Variants in NRG3 observed in about 807,000 individuals in gnomAD.
NRG3 encodes pro-neuregulin-3, membrane-bound isoform.
NRG3 carries 31 observed loss-of-function variants against 66.9 expected under a neutral mutation model. That is an observed-to-expected ratio of 0.46 (90% CI 0.35 to 0.63). The LOEUF is 0.63. NRG3 is among the 20% of genes least tolerant of loss of function. The pLI is 0.00. For missense variants in NRG3, 910 were observed against 878.9 expected (o/e 1.04, Z -0.45); for synonymous variants, 393 against 359.4 (o/e 1.09, Z -1.06).
intron 2 of NRG3, among the ~76,000 whole-genome samples, chr10:82,597,486 C>T (rs2047354685): frequency 6.6e-6 from 1 of 152,188 alleles, no homozygotes; most frequent in African/African-American, 2.4e-5. Context: ...CTACAAATTA[C>T]ATACATACAG....
At chr10:82,781,446 T>C (rs945986025) in intron 3 of NRG3, among the ~76,000 whole-genome samples, 1 of 152,186 alleles carries the variant, frequency 6.6e-6, no homozygotes, top group Non-Finnish European at 1.5e-5. Flanking sequence ...TAATAATTAA[T>C]GAAACCTCTA....
chr10:82,153,189 C>T (rs2070911955), intron 1 of NRG3, among the ~76,000 whole-genome samples: 1 of 152,018 alleles, frequency 6.6e-6, no homozygotes, highest in Non-Finnish European at 1.5e-5. Flanking sequence ...ACCTTTTGGT[C>T]AACATTGCAC....
intron 2 of NRG3, among the ~76,000 whole-genome samples, chr10:82,387,080 G>A (rs1171314025): frequency 2.0e-5 from 3 of 152,202 alleles, no homozygotes; most frequent in South Asian, 2.1e-4. Flanking sequence ...GATTATAGGC[G>A]TAAGCCACCG....
chr10:82,850,641 A>G (rs1028785132), intron 3 of NRG3, among the ~76,000 whole-genome samples: 5 of 152,042 alleles, frequency 3.3e-5, no homozygotes, highest in Admixed American at 2.0e-4. Context: ...AATTATTTGC[A>G]TCTAGCTGTT....
Position 82,050,974 on chromosome 10 carries a change from G to A in NRG3, c.823+174811G>A, listed in dbSNP as rs79614013. ...CTTTAGAGGGAATTTATATTTTCTCGTCTGTAGTTTTCTGGAAATAGTGGG... is the reference window on the plus strand; with the variant it reads ...CTTTAGAGGGAATTTATATTTTCTCATCTGTAGTTTTCTGGAAATAGTGGG... On this transcript the variant is annotated intron_variant, in intron 1 of 8. Coordinates refer to ENST00000372141, the MANE Select transcript of NRG3 (RefSeq NM_001010848.4). Among the ~76,000 whole-genome samples, 625 of 152,052 alleles carry A rather than the reference G, an allele frequency of 4.1e-3. 4 individuals carry two copies. Among genetic ancestry groups the A allele is most frequent in the African/African-American group, 0.011 (461 of 41,470 alleles).
At chr10:82,275,387 A>G (rs2078794122) in intron 1 of NRG3, among the ~76,000 whole-genome samples, 1 of 151,978 alleles carries the variant, frequency 6.6e-6, no homozygotes, top group Non-Finnish European at 1.5e-5. Flanking sequence ...TATGATCTTT[A>G]TTTTAGTTCT....
chr10:82,629,272 TA>T (rs2049643855), intron 2 of NRG3, among the ~76,000 whole-genome samples: 1 of 152,132 alleles, frequency 6.6e-6, no homozygotes, highest in Non-Finnish European at 1.5e-5. Context: ...TGAAGTCCAT[TA>T]AGGGATTCAA....
chr10:82,897,538 C>T lies in NRG3; in HGVS notation c.1054+32101C>T, dbSNP rs142505922. On this transcript the variant is annotated intron_variant, in intron 4 of 8. Transcript: ENST00000372141. ...GTCTTTTTTGTTTTGTTTTGTTTTG[C>T]GATGCAGTCTCTTTCTGTCACCCAG... Among the ~76,000 whole-genome samples, 650 of 152,066 alleles carry T rather than the reference C, an allele frequency of 4.3e-3. 17 individuals are homozygous for T. The highest frequency in any genetic ancestry group is 0.037 in the Admixed American group (568 of 15,276).
At chr10:82,439,893 A>G (rs868631959) in intron 2 of NRG3, among the ~76,000 whole-genome samples, 11 of 152,024 alleles carry the variant, frequency 7.2e-5, no homozygotes, top group Middle Eastern at 3.4e-3. Context: ...TTAGCTATTG[A>G]TAGGTTTTAT....
At chr10:82,854,105 G>A (rs185142743) in intron 3 of NRG3, among the ~76,000 whole-genome samples, 1 of 152,294 alleles carries the variant, frequency 6.6e-6, no homozygotes, top group Non-Finnish European at 1.5e-5. Flanking sequence ...ACTAGAGGCG[G>A]AAGAAAATCA....
intron 2 of NRG3, among the ~76,000 whole-genome samples, chr10:82,538,702 G>GA (rs113244184): frequency 0.033 from 4,820 of 147,904 alleles, 133 homozygotes; most frequent in Middle Eastern, 0.077. Flanking sequence ...TTTTTCACCA[G>GA]AAAAAAAAAA....
At chr10:82,031,937 A>C (rs1356877282) in intron 1 of NRG3, among the ~76,000 whole-genome samples, 1 of 151,966 alleles carries the variant, frequency 6.6e-6, no homozygotes, top group Non-Finnish European at 1.5e-5. Flanking sequence ...TAATTTTTTC[A>C]CCTCCAAGCC....
intron 1 of NRG3, among the ~76,000 whole-genome samples, chr10:82,192,119 G>C (rs1186350450): frequency 1.3e-5 from 2 of 152,104 alleles, no homozygotes; most frequent in Non-Finnish European, 2.9e-5. Context: ...ATATGTGTAA[G>C]AATTAAGGGG....
chr10:82,128,087 C>G (rs1243100966), intron 1 of NRG3, among the ~76,000 whole-genome samples: 1 of 151,870 alleles, frequency 6.6e-6, no homozygotes, highest in Non-Finnish European at 1.5e-5. Context: ...GACTTGTGTT[C>G]AGGTCTGCTG....
chr10:82,606,863 A>C (rs1358623513), intron 2 of NRG3, among the ~76,000 whole-genome samples: 1 of 152,190 alleles, frequency 6.6e-6, no homozygotes, highest in Admixed American at 6.5e-5. Flanking sequence ...CCACCAAGGA[A>C]GTGACTCAGC....
intron 1 of NRG3, among the ~76,000 whole-genome samples, chr10:82,331,541 G>T (rs2082134335): frequency 6.6e-6 from 1 of 152,218 alleles, no homozygotes; most frequent in East Asian, 1.9e-4. Context: ...TTCCTAAATG[G>T]TCTTCTTGAA....
At chr10:82,368,543 A>G (rs2084685268) in intron 2 of NRG3, among the ~76,000 whole-genome samples, 1 of 137,526 alleles carries the variant, frequency 7.3e-6, no homozygotes, top group Non-Finnish European at 1.5e-5. Flanking sequence ...CTTACCACCT[A>G]CAGTTTAGGC....
At chr10:82,408,103 G>GA (rs1262664255) in intron 2 of NRG3, among the ~76,000 whole-genome samples, 6 of 130,070 alleles carry the variant, frequency 4.6e-5, no homozygotes, top group African/African-American at 1.2e-4. Context: ...AAGAAAGAAA[G>GA]AAAGAAAGAA....
At chr10:82,443,482 G>C (rs1026691464) in intron 2 of NRG3, among the ~76,000 whole-genome samples, 4 of 152,148 alleles carry the variant, frequency 2.6e-5, no homozygotes, top group Admixed American at 1.3e-4. Context: ...CATGCAGTTT[G>C]TTAAATTATT....
Sources: gnomAD v4.1 joint callset for allele counts (sites outside exome capture counted in the v4.1 genomes callset) on GRCh38, gnomAD v4.1.1 for gene constraint, MANE v1.5 for transcripts, NCBI Gene and HGNC (gene_info 2026-07-23, HGNC 2026-07-21) for gene names.